TMEM150C: variants seen among roughly 807,000 people sequenced by gnomAD.
TMEM150C encodes tentonin 3.
A neutral mutation model predicts 29.9 loss-of-function variants in TMEM150C; 10 were observed. The ratio of observed to expected loss-of-function variants is 0.33; its 90% confidence interval spans 0.21 to 0.57. TMEM150C has a LOEUF of 0.57. Among genes scored for constraint, TMEM150C ranks in the 20% least tolerant of loss-of-function variants. TMEM150C has a pLI of 0.88. For missense variants in TMEM150C, 251 were observed against 303.6 expected (o/e 0.83, Z 1.29); for synonymous variants, 101 against 112.5 (o/e 0.90, Z 0.64).
chr4:82,490,231 T>C lies in TMEM150C; in HGVS notation c.371A>G (p.Asn124Ser). Residue 124 changes from asparagine to serine, a missense_variant, in exon 7 of 8, where the codon AAT becomes AGT. Transcript: ENST00000449862. ...MTLLGNFQLT[N>S]DEEIHNVGTS... is the part of the protein sequence containing the mutation. ...TCCGACGTTATGGATTTCTTCATCA[T>C]TTGTGAGCTTAGGGATGAATGGATA... The C allele has an allele frequency of 6.2e-7, 1 of 1,613,854 alleles. No individual in the cohort carries two copies. Among genetic ancestry groups the C allele is most frequent in the Non-Finnish European group, 8.5e-7 (1 of 1,179,798 alleles).
chr4:82,519,158 A>G (rs371450297), intron 1 of TMEM150C, among the ~76,000 whole-genome samples: 143 of 152,294 alleles, frequency 9.4e-4, no homozygotes, highest in African/African-American at 3.2e-3. Context: ...TGCTCGACAG[A>G]AATATCCTCA....
intron 1 of TMEM150C, among the ~76,000 whole-genome samples, chr4:82,515,197 C>T (rs1238940176): frequency 6.6e-6 from 1 of 152,204 alleles, no homozygotes; most frequent in Non-Finnish European, 1.5e-5. Flanking sequence ...TAGGTGGTTC[C>T]CCTCAGCACA....
chr4:82,538,013 A>C (rs1463734689), intron 1 of TMEM150C, among the ~76,000 whole-genome samples: 2 of 152,228 alleles, frequency 1.3e-5, no homozygotes, highest in Non-Finnish European at 2.9e-5. Context: ...ACAATCCAAG[A>C]TATGAACAAA....
chr4:82,528,851 C>T (rs1724742550), intron 1 of TMEM150C, among the ~76,000 whole-genome samples: 1 of 152,058 alleles, frequency 6.6e-6, no homozygotes, highest in Non-Finnish European at 1.5e-5. Flanking sequence ...GCCTCGGCCT[C>T]CCAAAGTATC....
intron 1 of TMEM150C, among the ~76,000 whole-genome samples, chr4:82,546,265 C>G (rs986026097): frequency 1.3e-4 from 20 of 152,156 alleles, no homozygotes; most frequent in African/African-American, 4.6e-4. Flanking sequence ...TAAACAAGAG[C>G]TGGAATAACC....
intron 1 of TMEM150C, among the ~76,000 whole-genome samples, chr4:82,556,754 T>C (rs1725748524): frequency 6.6e-6 from 1 of 152,136 alleles, no homozygotes; most frequent in Non-Finnish European, 1.5e-5. Context: ...CATGCTATTG[T>C]GCATTATAAA....
intron 6 of TMEM150C, among the ~76,000 whole-genome samples, chr4:82,494,181 G>C (rs1451936369): frequency 6.6e-6 from 1 of 152,210 alleles, no homozygotes; most frequent in Non-Finnish European, 1.5e-5. Flanking sequence ...TGCCCTCAAG[G>C]AGGAAGTTTC....
chr4:82,492,144 T>C (rs1280445215), intron 6 of TMEM150C, among the ~76,000 whole-genome samples: 1 of 150,842 alleles, frequency 6.6e-6, no homozygotes, highest in Non-Finnish European at 1.5e-5. Flanking sequence ...TGTTTGTTTG[T>C]TTGAGACAGA....
intron 1 of TMEM150C, among the ~76,000 whole-genome samples, chr4:82,521,176 A>G (rs976474258): frequency 6.6e-6 from 1 of 152,116 alleles, no homozygotes. Flanking sequence ...AGAATTTCCT[A>G]TGTCACCCTG....
intron 6 of TMEM150C, 97 bp downstream of exon 6, chr4:82,495,971 T>C (rs1723544053): frequency 6.8e-7 from 1 of 1,470,126 alleles, no homozygotes; most frequent in South Asian, 1.2e-5. Flanking sequence ...CAGAATTATA[T>C]GGGCCATATG....
intron 1 of TMEM150C, among the ~76,000 whole-genome samples, chr4:82,530,089 T>C (rs1401935766): frequency 2.9e-5 from 4 of 138,348 alleles, no homozygotes; most frequent in Middle Eastern, 3.2e-3. Flanking sequence ...TTTCAATCTC[T>C]CTCTCTCTCT....
intron 1 of TMEM150C, among the ~76,000 whole-genome samples, chr4:82,516,895 A>G (rs148119120): frequency 2.1e-3 from 317 of 152,360 alleles, no homozygotes; most frequent in African/African-American, 7.1e-3. Flanking sequence ...GTTGGAGTTC[A>G]GACTGATGTG....
intron 5 of TMEM150C, among the ~76,000 whole-genome samples, chr4:82,501,464 C>T (rs1369150655): frequency 6.6e-6 from 1 of 152,190 alleles, no homozygotes; most frequent in East Asian, 1.9e-4. Flanking sequence ...CCCAGGCTTT[C>T]CGGACACCTC....
At chr4:82,515,555 G>A (rs1464831835) in intron 1 of TMEM150C, among the ~76,000 whole-genome samples, 12 of 151,934 alleles carry the variant, frequency 7.9e-5, no homozygotes, top group African/African-American at 2.9e-4. Flanking sequence ...TGGCTAACAT[G>A]GTGAAACCCC....
At position 82,485,233 on chromosome 4, in the gene TMEM150C, T is replaced by G; in HGVS notation, c.*278A>C. 2.8e-6 allele frequency: 1 copy of G among 351,634 alleles called. No homozygotes were observed. Among genetic ancestry groups the G allele is most frequent in the Non-Finnish European group, 5.3e-6 (1 of 187,994 alleles). 21.8% of individuals were successfully genotyped at this position (351,634 alleles called of 1,614,324 possible). On this transcript the variant is annotated 3_prime_UTR_variant, in exon 8 of 8. Coordinates refer to ENST00000449862, the MANE Select transcript of TMEM150C (RefSeq NM_001080506.3). ...TGGAGAGAATGGGAAGAGGAGGGAG[T>G]GCTGGGAAGGGGACGGATAAGAAGT...
At position 82,485,586 on chromosome 4, in the gene TMEM150C, A is replaced by G; in HGVS notation, c.675T>C (p.Ser225=). Residue 225 remains serine, a synonymous_variant, in exon 8 of 8, where the codon TCT becomes TCC. Coordinates refer to ENST00000449862, the MANE Select transcript of TMEM150C (RefSeq NM_001080506.3). ...FRHYRYEIVC[S]EYQENFLSFS... ...AGCTTAGGAAATTCTCCTGGTACTC[A>G]GAGCAAACAATCTCATAGCGGTAAT... is the stretch of plus-strand genomic sequence containing the variant. 1 of 1,611,314 alleles carries G rather than the reference A, an allele frequency of 6.2e-7. No individual in the cohort carries two copies. Among genetic ancestry groups the G allele is most frequent in the Non-Finnish European group, 8.5e-7 (1 of 1,178,770 alleles).
chr4:82,493,089 G>GTAT (rs1179139072), intron 6 of TMEM150C, among the ~76,000 whole-genome samples: 1 of 151,318 alleles, frequency 6.6e-6, no homozygotes, highest in Non-Finnish European at 1.5e-5. Context: ...CATTGTGAAA[G>GTAT]TATTATTTTT....
chr4:82,543,438 G>A (rs1725258407), intron 1 of TMEM150C, among the ~76,000 whole-genome samples: 1 of 152,104 alleles, frequency 6.6e-6, no homozygotes, highest in Admixed American at 6.5e-5. Flanking sequence ...AGGTGATTAG[G>A]CCAGGACTTG....
intron 1 of TMEM150C, among the ~76,000 whole-genome samples, chr4:82,529,116 G>T (rs1024222340): frequency 6.6e-6 from 1 of 152,064 alleles, no homozygotes; most frequent in Non-Finnish European, 1.5e-5. Context: ...AGAGCACAGA[G>T]CACAGGAGAG....
Sources: gnomAD v4.1 joint callset for allele counts (sites outside exome capture counted in the v4.1 genomes callset) on GRCh38, gnomAD v4.1.1 for gene constraint, MANE v1.5 for transcripts, NCBI Gene and HGNC (gene_info 2026-07-23, HGNC 2026-07-21) for gene names.